Variants in STOM observed in about 807,000 individuals in gnomAD.
STOM encodes stomatin.
STOM carries 25 observed loss-of-function variants against 30.6 expected under a neutral mutation model. That is an observed-to-expected ratio of 0.82 (90% CI 0.60 to 1.14). The LOEUF is 1.14. STOM is among the 50% of genes most tolerant of loss of function. The pLI is 0.00. For synonymous variants in STOM, 118 were observed against 130.8 expected (o/e 0.90, Z 0.67); for missense variants, 292 against 365.2 (o/e 0.80, Z 1.63).
intron 6 of STOM, among the ~76,000 whole-genome samples, chr9:121,346,251 A>G (rs1371972158): frequency 6.6e-6 from 1 of 152,182 alleles, no homozygotes; most frequent in East Asian, 1.9e-4. Context: ...CAGCCTCCCA[A>G]AGTGCTGGGA....
chr9:121,366,900 C>A (rs1419734146), intron 1 of STOM, among the ~76,000 whole-genome samples: 2 of 149,076 alleles, frequency 1.3e-5, no homozygotes, highest in Admixed American at 1.3e-4. Flanking sequence ...CCAGCCTGGG[C>A]AACATAGTGA....
At chr9:121,349,609 G>A (rs1314588654) in intron 4 of STOM, among the ~76,000 whole-genome samples, 1 of 152,162 alleles carries the variant, frequency 6.6e-6, no homozygotes, top group Non-Finnish European at 1.5e-5. Context: ...AGGAGGTTAG[G>A]GAATCAAAGG....
chr9:121,339,893 T>G lies in STOM; in HGVS notation c.*1309A>C, dbSNP rs187270518. Reference sequence around the variant, plus strand: ...ATCTGCCCAAGATCATTAGACACTATATAGTCAATATACTGTGAATTCCTT... The same window carrying G: ...ATCTGCCCAAGATCATTAGACACTAGATAGTCAATATACTGTGAATTCCTT... On this transcript the variant is annotated 3_prime_UTR_variant, in exon 7 of 7. Coordinates refer to ENST00000286713, the MANE Select transcript of STOM (RefSeq NM_004099.6). 175 of 1,115,138 alleles carry G rather than the reference T, an allele frequency of 1.6e-4. No homozygotes were observed. The African/African-American group carries it at 2.6e-3, about 16-fold the overall frequency. 69.1% of individuals were successfully genotyped at this position (1,115,138 alleles called of 1,614,324 possible).
intron 6 of STOM, among the ~76,000 whole-genome samples, chr9:121,342,140 C>A (rs142228159): frequency 1.3e-3 from 198 of 152,170 alleles, no homozygotes; most frequent in African/African-American, 4.6e-3. Context: ...GAGGCCAAGG[C>A]GGGCAGATCA....
intron 1 of STOM, among the ~76,000 whole-genome samples, chr9:121,360,408 C>T (rs552992772): frequency 6.6e-6 from 1 of 152,124 alleles, no homozygotes; most frequent in East Asian, 1.9e-4. Context: ...TCCCTGAGAA[C>T]GAGGAGTAAC....
chr9:121,360,421 T>G (rs2064439654), intron 1 of STOM, among the ~76,000 whole-genome samples: 1 of 152,230 alleles, frequency 6.6e-6, no homozygotes, highest in African/African-American at 2.4e-5. Context: ...GGAGTAACTA[T>G]GTTTGAATTT....
intron 4 of STOM, among the ~76,000 whole-genome samples, chr9:121,351,263 A>G (rs571983737): frequency 2.0e-5 from 3 of 152,350 alleles, no homozygotes; most frequent in African/African-American, 4.8e-5. Context: ...CTGAGACTCA[A>G]TCTTCCTTAG....
chr9:121,341,432 T>C, intron 6 of STOM, 24 bp from the exon 7 acceptor site: 1 of 1,611,912 alleles, frequency 6.2e-7, no homozygotes, highest in Non-Finnish European at 8.5e-7. Flanking sequence ...AAAGGAGGGG[T>C]TGAACTGGAG....
chr9:121,352,235 C>T (rs2064345901), intron 4 of STOM, among the ~76,000 whole-genome samples: 1 of 152,160 alleles, frequency 6.6e-6, no homozygotes. Context: ...ACTTATAATA[C>T]TTAACACAAT....
At chr9:121,357,433 A>G (rs1033808286) in intron 1 of STOM, among the ~76,000 whole-genome samples, 2 of 122,318 alleles carry the variant, frequency 1.6e-5, no homozygotes, top group African/African-American at 5.9e-5. Flanking sequence ...TGATATATAT[A>G]TATATATTTA....
intron 6 of STOM, among the ~76,000 whole-genome samples, chr9:121,346,175 G>A (rs1193991960): frequency 6.6e-6 from 1 of 151,916 alleles, no homozygotes; most frequent in Admixed American, 6.6e-5. Context: ...TTTTTAGTAA[G>A]GACGGGGTTT....
chr9:121,352,968 CTA>C (rs1339654155), intron 4 of STOM, among the ~76,000 whole-genome samples: 1 of 152,140 alleles, frequency 6.6e-6, no homozygotes, highest in Non-Finnish European at 1.5e-5. Flanking sequence ...TGGCGCACAT[CTA>C]TAGTCTCAGC....
intron 3 of STOM, among the ~76,000 whole-genome samples, chr9:121,354,392 C>T (rs1589292715): frequency 4.6e-5 from 7 of 152,000 alleles, no homozygotes; most frequent in Admixed American, 4.6e-4. Flanking sequence ...CGGTGGCTCA[C>T]GTCTGTAATC....
chr9:121,341,247 A>T lies in STOM; in HGVS notation c.822T>A (p.Asp274Glu). Reference sequence around the variant, plus strand: ...TTGCCCCTATGATTCCTTGCAGCATATCTATGGGCAGAGGGAAGACAATTG... The same window carrying T: ...TTGCCCCTATGATTCCTTGCAGCATTTCTATGGGCAGAGGGAAGACAATTG... ...NSTIVFPLPI[D>E]MLQGIIGAKH... The change falls in exon 7 of 7, where the codon GAT becomes GAA. Residue 274 changes from aspartate (D) to glutamate (E), a missense_variant. By Grantham distance (45) the Asp-to-Glu change is conservative. Coordinates refer to ENST00000286713, the MANE Select transcript of STOM (RefSeq NM_004099.6). The T allele has an allele frequency of 6.2e-7, 1 of 1,614,150 alleles. No homozygotes were observed. Among genetic ancestry groups the T allele is most frequent in the Non-Finnish European group, 8.5e-7 (1 of 1,180,034 alleles).
intron 3 of STOM, 34 bp downstream of exon 3, chr9:121,354,567 T>G (rs2064368044): frequency 6.6e-7 from 1 of 1,514,400 alleles, no homozygotes; most frequent in African/African-American, 1.4e-5. Flanking sequence ...GAACTTTAGT[T>G]TTCAGATAAA....
intron 1 of STOM, among the ~76,000 whole-genome samples, chr9:121,367,086 G>A (rs565015136): frequency 4.6e-5 from 7 of 152,106 alleles, no homozygotes; most frequent in African/African-American, 1.7e-4. Context: ...AAGAAAAAGT[G>A]TAGTTTAATT....
At chr9:121,370,059 G>A in intron 1 of STOM, 68 bp downstream of exon 1, 1 of 1,433,000 alleles carries the variant, frequency 7.0e-7, no homozygotes, top group Non-Finnish European at 9.4e-7. Flanking sequence ...CCGGCTGTCA[G>A]ACCTCGGAGC....
chr9:121,368,813 G>A (rs982699783), intron 1 of STOM, among the ~76,000 whole-genome samples: 9 of 151,854 alleles, frequency 5.9e-5, no homozygotes, highest in African/African-American at 2.2e-4. Context: ...GGTGGTGCAC[G>A]CCTGTAATCC....
intron 1 of STOM, among the ~76,000 whole-genome samples, chr9:121,358,272 C>A (rs1157147128): frequency 6.6e-6 from 1 of 151,996 alleles, no homozygotes; most frequent in African/African-American, 2.4e-5. Flanking sequence ...GCATGGGCAA[C>A]CTAGTGAGAC....
Sources: allele counts gnomAD v4.1 joint callset (sites outside exome capture counted in the v4.1 genomes callset), GRCh38; gene constraint gnomAD v4.1.1; transcripts MANE v1.5; gene names NCBI Gene and HGNC (gene_info 2026-07-23, HGNC 2026-07-21).